The following FSTL4 variants were observed in gnomAD, a reference collection of about 807,000 sequenced individuals.
FSTL4 encodes follistatin-related protein 4.
A neutral mutation model predicts 78.2 loss-of-function variants in FSTL4; 28 were observed. That is an observed-to-expected ratio of 0.36 (90% CI 0.27 to 0.49). The LOEUF is 0.49. FSTL4 is among the 20% of genes least tolerant of loss of function. The pLI is 0.98. For synonymous variants in FSTL4, 422 were observed against 440.5 expected (o/e 0.96, Z 0.53); for missense variants, 922 against 1,084.9 (o/e 0.85, Z 2.11).
chr5:133,224,396 A>G, intron 10 of FSTL4, 180 bp from the exon 11 acceptor site: 3 of 506,368 alleles, frequency 5.9e-6, no homozygotes, highest in Non-Finnish European at 1.1e-5. Context: ...AGCTCTGGAC[A>G]TGAACAAATG....
At chr5:133,754,720 G>T in the FSTL4 span, among the ~76,000 whole-genome samples, 84 of 152,162 alleles carry the variant, frequency 5.5e-4, no homozygotes, top group African/African-American at 2.0e-3. Context: ...CCACGCTCTG[G>T]GGACAAAATG....
intron 5 of FSTL4, among the ~76,000 whole-genome samples, chr5:133,316,165 T>C (rs183840458): frequency 6.6e-6 from 1 of 152,360 alleles, no homozygotes; most frequent in Admixed American, 6.5e-5. Context: ...TGCTTCCTTG[T>C]AACTTTTCTG....
chr5:133,720,344 C>G, the FSTL4 span, among the ~76,000 whole-genome samples: 3 of 152,152 alleles, frequency 2.0e-5, no homozygotes, highest in Non-Finnish European at 2.9e-5. Context: ...TTCTATTAAT[C>G]TGAGGTGGAC....
the FSTL4 span, among the ~76,000 whole-genome samples, chr5:133,718,974 C>T: frequency 6.6e-6 from 1 of 152,190 alleles, no homozygotes; most frequent in East Asian, 1.9e-4. Context: ...AAATGTAATC[C>T]AAAATAAGTC....
chr5:133,275,657 A>G (rs1405205316), intron 6 of FSTL4: 3 of 152,102 alleles, frequency 2.0e-5, no homozygotes, highest in Non-Finnish European at 2.9e-5. Context: ...GTGACTACAC[A>G]TGTCTCAAGC....
intron 6 of FSTL4, among the ~76,000 whole-genome samples, chr5:133,274,338 GT>G (rs1439474204): frequency 7.9e-5 from 10 of 126,222 alleles, no homozygotes; most frequent in African/African-American, 1.8e-4. Context: ...GCAAAATGCT[GT>G]GCTTATTAAT....
intron 6 of FSTL4, among the ~76,000 whole-genome samples, chr5:133,302,789 A>G (rs1753575585): frequency 6.6e-6 from 1 of 152,228 alleles, no homozygotes; most frequent in African/African-American, 2.4e-5. Flanking sequence ...TTCCACCATC[A>G]AGGGGAACCC....
the FSTL4 span, among the ~76,000 whole-genome samples, chr5:133,761,756 T>C: frequency 0.018 from 2,669 of 152,266 alleles, 75 homozygotes; most frequent in African/African-American, 0.062. Flanking sequence ...ATTTACTGAT[T>C]GAAAGAGGCT....
chr5:133,375,313 A>ATATATATATATATATATATATATAT (rs1354744825), intron 4 of FSTL4, among the ~76,000 whole-genome samples: 2 of 31,054 alleles, frequency 6.4e-5, no homozygotes, highest in Non-Finnish European at 2.4e-4. Context: ...TATATATATA[A>ATATATATATATATATATATATATAT]AAGACTCTAA....
At chr5:133,444,847 C>G (rs1252708063) in intron 3 of FSTL4, among the ~76,000 whole-genome samples, 1 of 152,210 alleles carries the variant, frequency 6.6e-6, no homozygotes, top group Non-Finnish European at 1.5e-5. Flanking sequence ...CCACTAAGCC[C>G]ATGGCATCTC....
chr5:133,680,463 C>T, the FSTL4 span, among the ~76,000 whole-genome samples: 1 of 152,332 alleles, frequency 6.6e-6, no homozygotes, highest in South Asian at 2.1e-4. Context: ...GTGGGATCCA[C>T]ATGACCGAAA....
chr5:133,458,426 T>G (rs1335819773), intron 3 of FSTL4: 1 of 152,242 alleles, frequency 6.6e-6, no homozygotes, highest in Admixed American at 6.5e-5. Flanking sequence ...TCAGCTCACC[T>G]CCTTGGGTAG....
the FSTL4 span, among the ~76,000 whole-genome samples, chr5:133,738,575 TC>T: frequency 6.6e-6 from 1 of 152,304 alleles, no homozygotes; most frequent in East Asian, 1.9e-4. Context: ...AGAGTGGCTC[TC>T]CTTCTGACCC....
chr5:133,505,074 G>T (rs1758584916), intron 3 of FSTL4, among the ~76,000 whole-genome samples: 2 of 152,286 alleles, frequency 1.3e-5, no homozygotes, highest in South Asian at 4.1e-4. Flanking sequence ...TCATAGAATA[G>T]ATTGTACAGG....
Position 133,581,414 on chromosome 5 carries a change from T to C in FSTL4, c.127-14195A>G, listed in dbSNP as rs924552946. On this transcript the variant is annotated intron_variant, in intron 2 of 15. Transcript: ENST00000265342. ...TTGAAAGGTGCTACCTATAAGATTG[T>C]CGTGAGAAAGGAATGAGGGAGCATG... Among the ~76,000 whole-genome samples the C allele has an allele frequency of 3.3e-5, 5 of 152,290 alleles. No individual in the cohort carries two copies. The East Asian group carries it at 7.7e-4, about 24-fold the overall frequency.
the FSTL4 span, among the ~76,000 whole-genome samples, chr5:133,790,168 C>G: frequency 6.6e-6 from 1 of 152,216 alleles, no homozygotes; most frequent in Admixed American, 6.5e-5. Context: ...ACTCCTCCAT[C>G]ATGCATATAA....
chr5:133,345,845 A>C (rs559744246), intron 4 of FSTL4, among the ~76,000 whole-genome samples: 1 of 152,340 alleles, frequency 6.6e-6, no homozygotes, highest in African/African-American at 2.4e-5. Flanking sequence ...TTCCTCAAGG[A>C]TCTGGAACCA....
rs1468741296 is a variant in FSTL4 at position 133,199,257 on chromosome 5, C to T, written c.2367G>A (p.Gly789=). Residue 789 remains glycine, a synonymous_variant, in exon 16 of 16, where the codon GGG becomes GGA. Transcript: ENST00000265342. The surrounding 1 kb of genome is among the most constrained non-coding windows in gnomAD (Gnocchi z 4.4). The part of the protein sequence containing the change: ...EPPAGPAQPW[G]GTHRIMRDSG... The stretch of plus-strand genomic sequence containing the variant: ...TGTCCCTCATGATTCTGTGGGTACC[C>T]CCCCAGGGCTGAGCTGGCCCTGCGG... 1.9e-6 allele frequency: 3 copies of T among 1,613,736 alleles called. No homozygotes were observed. The East Asian group carries it at 6.7e-5, about 36-fold the overall frequency.
intron 3 of FSTL4, among the ~76,000 whole-genome samples, chr5:133,538,596 A>G (rs73788135): frequency 0.01 from 1,576 of 151,484 alleles, 32 homozygotes; most frequent in African/African-American, 0.037. Context: ...TATATTTCTT[A>G]TCTGGCATTC....
Sources: gnomAD v4.1 joint callset for allele counts (sites outside exome capture counted in the v4.1 genomes callset) on GRCh38, gnomAD v4.1.1 for gene constraint, Gnocchi (gnomAD v3.1) non-coding constraint, MANE v1.5 for transcripts, NCBI Gene and HGNC (gene_info 2026-07-23, HGNC 2026-07-21) for gene names.